PAK5: variants seen among roughly 807,000 people sequenced by gnomAD.
PAK5 encodes p21 (RAC1) activated kinase 5.
Under a neutral mutation model 65.9 loss-of-function variants are expected in PAK5, and 16 were observed. The observed-to-expected ratio is 0.24, with a 90% CI of 0.16 to 0.37. The LOEUF is 0.37. Among genes scored for constraint, PAK5 ranks in the 10% least tolerant of loss-of-function variants. The probability of loss-of-function intolerance (pLI) is 1.00; values close to 1 mark genes in which losing one functional copy is unlikely to be tolerated. For missense variants in PAK5, 785 were observed against 903.9 expected, an observed-to-expected ratio of 0.87 and a Z score of 1.69; for synonymous variants, 371 against 354.9, an observed-to-expected ratio of 1.05 and a Z score of -0.51.
At chr20:9,741,907 G>T (rs2123588185) in intron 1 of PAK5, among the ~76,000 whole-genome samples, 1 of 152,140 alleles carries the variant, frequency 6.6e-6, no homozygotes, top group East Asian at 1.9e-4. Context: ...TGTCTTGAAA[G>T]CAATACTTGG....
At chr20:9,684,502 G>A (rs565284454) in intron 2 of PAK5, among the ~76,000 whole-genome samples, 4 of 152,322 alleles carry the variant, frequency 2.6e-5, no homozygotes, top group East Asian at 1.9e-4. Flanking sequence ...AAAAGCTATT[G>A]ATAACTTGCC....
intron 3 of PAK5, among the ~76,000 whole-genome samples, chr20:9,643,423 A>C (rs111629943): frequency 2.5e-4 from 38 of 152,286 alleles, no homozygotes; most frequent in African/African-American, 8.7e-4. Flanking sequence ...GCTTACATGT[A>C]ATTACTTTTA....
chr20:9,642,171 A>G (rs561680997), intron 3 of PAK5, among the ~76,000 whole-genome samples: 2 of 152,348 alleles, frequency 1.3e-5, no homozygotes, highest in South Asian at 4.1e-4. Flanking sequence ...GTATATACCC[A>G]GTAATGGGAT....
chr20:9,579,081 G>A (rs2045934913), intron 4 of PAK5, among the ~76,000 whole-genome samples: 1 of 152,162 alleles, frequency 6.6e-6, no homozygotes, highest in Non-Finnish European at 1.5e-5. Flanking sequence ...AAGAAGCAAA[G>A]GAAAAATATC....
At chr20:9,692,275 T>C (rs1412099012) in intron 2 of PAK5, among the ~76,000 whole-genome samples, 5 of 152,180 alleles carry the variant, frequency 3.3e-5, no homozygotes, top group Non-Finnish European at 7.4e-5. Flanking sequence ...GTGAAAGCAA[T>C]AAGAAGGTTA....
Position 9,580,168 on chromosome 20 carries a change from C to T in PAK5, c.967G>A (p.Glu323Lys), listed in dbSNP as rs1388617807. ...YNSYTYPRLS[E>K]PTMCIPKVDY... ...ACCTTTGGAATGCACATTGTGGGCT[C>T]GGACAAGCGAGGGTAGGTGTAGGAG... is the stretch of plus-strand genomic sequence containing the variant. Residue 323 changes from glutamate (E) to lysine (K), a missense_variant, in exon 4 of 10, where the codon GAG (glutamate) becomes AAG (lysine). Physicochemically the swap from Glu to Lys is moderately conservative, Grantham distance 56. Coordinates refer to ENST00000353224, the MANE Select transcript of PAK5 (RefSeq NM_177990.4). 4.3e-6 allele frequency: 7 copies of T among 1,612,286 alleles called. No homozygotes were observed. Among genetic ancestry groups the T allele is most frequent in the East Asian group, 2.2e-5 (1 of 44,870 alleles).
intron 4 of PAK5, among the ~76,000 whole-genome samples, chr20:9,576,720 A>C (rs904119191): frequency 3.9e-5 from 6 of 152,352 alleles, no homozygotes; most frequent in African/African-American, 1.4e-4. Flanking sequence ...AAATGCATGC[A>C]ATGTCTGGTA....
intron 1 of PAK5, among the ~76,000 whole-genome samples, chr20:9,736,074 T>C (rs2048385908): frequency 6.6e-6 from 1 of 151,878 alleles, no homozygotes; most frequent in Admixed American, 6.6e-5. Flanking sequence ...GCTAATTTTG[T>C]ATTTTTAGTA....
chr20:9,556,638 G>C (rs2045512134), intron 7 of PAK5, among the ~76,000 whole-genome samples: 1 of 152,196 alleles, frequency 6.6e-6, no homozygotes, highest in Non-Finnish European at 1.5e-5. Context: ...GCCTTCCTTG[G>C]AATGTCAACT....
chr20:9,550,556 G>T (rs141768850), intron 7 of PAK5, among the ~76,000 whole-genome samples: 2 of 152,094 alleles, frequency 1.3e-5, no homozygotes, highest in African/African-American at 2.4e-5. Context: ...GTTTATAAAG[G>T]TATCATTTAT....
chr20:9,807,575 G>A (rs953461973), intron 1 of PAK5, among the ~76,000 whole-genome samples: 13 of 151,994 alleles, frequency 8.6e-5, no homozygotes, highest in Non-Finnish European at 1.6e-4. Context: ...ATTGTTTACA[G>A]CTGCAAAAAG....
intron 3 of PAK5, among the ~76,000 whole-genome samples, chr20:9,629,353 A>T (rs1230061704): frequency 6.6e-6 from 1 of 152,222 alleles, no homozygotes; most frequent in Non-Finnish European, 1.5e-5. Flanking sequence ...ATACCTAAAA[A>T]CATGAGTATT....
chr20:9,592,927 A>G (rs939097625), intron 3 of PAK5, among the ~76,000 whole-genome samples: 1 of 152,166 alleles, frequency 6.6e-6, no homozygotes, highest in Non-Finnish European at 1.5e-5. Flanking sequence ...CTTAAACCCA[A>G]TCAGAGATAC....
chr20:9,682,614 C>A (rs1427111972), intron 2 of PAK5, among the ~76,000 whole-genome samples: 3 of 152,150 alleles, frequency 2.0e-5, no homozygotes, highest in Non-Finnish European at 2.9e-5. Context: ...AATATTAGGA[C>A]TACAAACACT....
chr20:9,733,852 G>A (rs2048360519), intron 1 of PAK5, among the ~76,000 whole-genome samples: 1 of 152,156 alleles, frequency 6.6e-6, no homozygotes, highest in African/African-American at 2.4e-5. Context: ...CATCTCTCCA[G>A]ACCTGATTCT....
intron 7 of PAK5, among the ~76,000 whole-genome samples, chr20:9,551,751 A>G (rs1472506633): frequency 6.6e-6 from 1 of 152,176 alleles, no homozygotes; most frequent in Non-Finnish European, 1.5e-5. Flanking sequence ...CTCACCTGAG[A>G]GCCTGTTAGA....
Position 9,838,327 on chromosome 20 carries a change from T to C in PAK5, c.-162+435A>G, listed in dbSNP as rs540315440. 4.6e-5 allele frequency among the ~76,000 whole-genome samples: 7 copies of C among 152,268 alleles called. No homozygotes were observed. Among genetic ancestry groups the C allele is most frequent in the Middle Eastern group, 6.8e-3 (2 of 294 alleles). On this transcript the variant is annotated intron_variant, in intron 1 of 9. Coordinates refer to ENST00000353224, the MANE Select transcript of PAK5 (RefSeq NM_177990.4). The surrounding 1 kb of genome is among the most constrained non-coding windows in gnomAD (Gnocchi z 4.5). ...ATGCGGGAATCCTGCTCTGGCAATATGTCCAACACTTCTCGGGAAAAGCAG... is the reference window on the plus strand; with the variant it reads ...ATGCGGGAATCCTGCTCTGGCAATACGTCCAACACTTCTCGGGAAAAGCAG...
intron 1 of PAK5, among the ~76,000 whole-genome samples, chr20:9,764,599 A>C (rs1036139183): frequency 6.6e-6 from 1 of 152,210 alleles, no homozygotes. Flanking sequence ...TGGTAAAATA[A>C]GCATTATGGC....
intron 2 of PAK5, among the ~76,000 whole-genome samples, chr20:9,675,180 A>G (rs1273445904): frequency 1.3e-5 from 2 of 152,248 alleles, no homozygotes; most frequent in Non-Finnish European, 2.9e-5. Context: ...AGTAGACAGA[A>G]CTAAATATAT....
Sources: gnomAD v4.1 joint callset for allele counts (sites outside exome capture counted in the v4.1 genomes callset) on GRCh38, gnomAD v4.1.1 for gene constraint, Gnocchi (gnomAD v3.1) non-coding constraint, MANE v1.5 for transcripts, NCBI Gene and HGNC (gene_info 2026-07-23, HGNC 2026-07-21) for gene names.